SCN3B: variants seen among roughly 807,000 people sequenced by gnomAD.
SCN3B encodes the protein sodium channel regulatory subunit beta-3.
SCN3B carries 11 observed loss-of-function variants against 25.4 expected under a neutral mutation model. The ratio of observed to expected loss-of-function variants is 0.43; its 90% CI spans 0.27 to 0.72. The LOEUF (loss-of-function observed/expected upper bound fraction) is 0.72. SCN3B is among the 30% of genes least tolerant of loss of function. The pLI, the probability that SCN3B is intolerant of heterozygous loss-of-function variation, is 0.18. For missense variants in SCN3B, 218 were observed against 278.3 expected, an observed-to-expected ratio of 0.78 and a Z score of 1.54; for synonymous variants, 109 against 110.7, an observed-to-expected ratio of 0.99 and a Z score of 0.09.
chr11:123,645,743 G>A lies in SCN3B; in HGVS notation c.63C>T (p.Val21=), dbSNP rs1194257690. 1 of 1,614,122 alleles carries A rather than the reference G, an allele frequency of 6.2e-7. No individual in the cohort carries two copies. The highest frequency in any genetic ancestry group is 1.7e-5 in the Admixed American group (1 of 60,024). Residue 21 remains valine, a synonymous_variant, in exon 3 of 7, where the codon GTC becomes GTT. Transcript: ENST00000299333. The part of the protein sequence containing the change: ...ASLVLIYWVS[V]CFPVCVEVPS... ...GCACTTCCACACACACAGGGAAGCAGACACTGACTGCAGAGAGGACAGATG... is the reference window on the plus strand; with the variant it reads ...GCACTTCCACACACACAGGGAAGCAAACACTGACTGCAGAGAGGACAGATG...
In SCN3B at chr11:123,630,211, A is replaced by G. The variant is rs1308999267; in HGVS notation, c.*3588T>C. 6.5e-6 allele frequency: 1 copy of G among 152,674 alleles called. No homozygotes were observed. Among genetic ancestry groups the G allele is most frequent in the Non-Finnish European group, 1.5e-5 (1 of 68,074 alleles). 9.5% of individuals were successfully genotyped at this position (152,674 alleles called of 1,614,324 possible). A position where few individuals can be genotyped will look rare whatever the true frequency, so the allele number is the denominator to read the frequency against. ...ATGCCGTTAAACAAGTGGTGAGAAT[A>G]AAGGCTGGGGTAGGGACAGGCAGGG... is the stretch of plus-strand genomic sequence containing the variant. On this transcript the variant is annotated 3_prime_UTR_variant, in exon 7 of 7. Coordinates refer to ENST00000299333, the MANE Select transcript of SCN3B (RefSeq NM_001040151.2).
chr11:123,637,289 A>T lies in SCN3B; in HGVS notation c.584+897T>A, dbSNP rs75254384. Among the ~76,000 whole-genome samples the T allele has an allele frequency of 9.5e-3, 1,442 of 152,204 alleles. 20 individuals carry two copies. The highest frequency in any genetic ancestry group is 0.033 in the African/African-American group (1,380 of 41,532). ...GCTGCCAGGCTCTAGGGGAAATAAC[A>T]TGTTGCTTGGAGCTCCTTTGCTAGC... On this transcript the variant is annotated intron_variant, in intron 5 of 6. Coordinates refer to ENST00000299333, the MANE Select transcript of SCN3B (RefSeq NM_001040151.2).
chr11:123,646,185 C>T (rs1955852084), intron 2 of SCN3B, among the ~76,000 whole-genome samples: 1 of 152,218 alleles, frequency 6.6e-6, no homozygotes, highest in Admixed American at 6.5e-5. Flanking sequence ...GAATAAAACA[C>T]TAACCATGCC....
At chr11:123,640,078 G>A (rs998293132) in intron 4 of SCN3B, 1 of 152,198 alleles carries the variant, frequency 6.6e-6, no homozygotes. Flanking sequence ...ATAACTTTCA[G>A]CCCAGAGAGC....
intron 2 of SCN3B, among the ~76,000 whole-genome samples, chr11:123,652,878 AC>A (rs1450832807): frequency 6.6e-6 from 1 of 152,204 alleles, no homozygotes; most frequent in Non-Finnish European, 1.5e-5. Flanking sequence ...ATATTTACAT[AC>A]AGTAAAACAT....
Position 123,630,872 on chromosome 11 carries a change from A to T in SCN3B, c.*2927T>A, listed in dbSNP as rs72552165. Reference sequence around the variant, plus strand: ...ATGGAAGCTAAAAAATAAGAAAAGGAAGCAGCTATGGTCTAAGTGGAAAGA... The same window carrying T: ...ATGGAAGCTAAAAAATAAGAAAAGGTAGCAGCTATGGTCTAAGTGGAAAGA... On this transcript the variant is annotated 3_prime_UTR_variant, in exon 7 of 7. Transcript: ENST00000299333. The T allele has an allele frequency of 6.6e-6, 1 of 152,216 alleles. No homozygotes were observed. The highest frequency in any genetic ancestry group is 1.5e-5 in the Non-Finnish European group (1 of 68,046). The allele number at this position is 152,216 out of a possible 1,614,324, so 9.4% of individuals were successfully genotyped here. A position where few individuals can be genotyped will look rare whatever the true frequency, so the allele number is the denominator to read the frequency against.
chr11:123,653,064 A>G lies in SCN3B; in HGVS notation c.55+683T>C, dbSNP rs190312605. 4.6e-5 allele frequency among the ~76,000 whole-genome samples: 7 copies of G among 152,234 alleles called. No individual in the cohort carries two copies. The East Asian group carries it at 1.2e-3, about 25-fold the overall frequency. On this transcript the variant is annotated intron_variant, in intron 2 of 6. Coordinates refer to ENST00000299333, the MANE Select transcript of SCN3B (RefSeq NM_001040151.2). ...TCTCACAGCTGACAAGCAAGAATCTATTCACCTTTGAAGGCAAAAACCCAG... is the reference window on the plus strand; with the variant it reads ...TCTCACAGCTGACAAGCAAGAATCTGTTCACCTTTGAAGGCAAAAACCCAG...
Position 123,633,965 on chromosome 11 carries a change from C to G in SCN3B, c.*22+156G>C, listed in dbSNP as rs1148111. ...AAGCGCTGACATCATACAGAGCTTT[C>G]TGACTTAAAGAATTACCCTGAGGGC... On this transcript the variant is annotated intron_variant, in intron 6 of 6. Transcript: ENST00000299333. The G allele has an allele frequency of 0.62, 396,826 of 640,256 alleles. 127,909 individuals carry two copies. The highest frequency in any genetic ancestry group is 0.91 in the African/African-American group (50,552 of 55,838). The allele number at this position is 640,256 out of a possible 1,614,324, so 39.7% of individuals were successfully genotyped here.
chr11:123,629,823 TTTG>T lies in SCN3B; in HGVS notation c.*3973_*3975del, dbSNP rs1301132722. ...AGGTGAGAGGAAGGCTTCTTTTGTT[TTTG>T]TTTTTCATTTTTTTCTTTTTTCATT... On this transcript the variant is annotated 3_prime_UTR_variant, in exon 7 of 7. Transcript: ENST00000299333. 1.4e-5 allele frequency: 2 copies of T among 146,210 alleles called. No individual in the cohort carries two copies. Among genetic ancestry groups the T allele is most frequent in the Admixed American group, 6.7e-5 (1 of 15,022 alleles). 9.1% of individuals were successfully genotyped at this position (146,210 alleles called of 1,614,324 possible).
chr11:123,634,097 C>A, intron 6 of SCN3B, 24 bp downstream of exon 6: 1 of 1,569,882 alleles, frequency 6.4e-7, no homozygotes, highest in South Asian at 1.1e-5. Flanking sequence ...ATCTGCCTTC[C>A]CCTCCCATGT....
In SCN3B at chr11:123,633,785, G is replaced by T; in HGVS notation, c.*23-9C>A. On this transcript the variant is annotated splice_polypyrimidine_tract_variant and intron_variant, in intron 6 of 6. Coordinates refer to ENST00000299333, the MANE Select transcript of SCN3B (RefSeq NM_001040151.2). ...TCAGGTGTTCAGGCCACCTACCAAA[G>T]ATAAAATAACTCACTGAGAATTTCC... The T allele has an allele frequency of 2.9e-6, 1 of 343,888 alleles. No individual in the cohort carries two copies. Among genetic ancestry groups the T allele is most frequent in the South Asian group, 2.5e-5 (1 of 40,618 alleles). The allele number at this position is 343,888 out of a possible 1,614,324, so 21.3% of individuals were successfully genotyped here.
At chr11:123,646,915 G>A (rs575413607) in intron 2 of SCN3B, among the ~76,000 whole-genome samples, 4 of 152,224 alleles carry the variant, frequency 2.6e-5, no homozygotes, top group African/African-American at 7.2e-5. Flanking sequence ...CCAGAGGTGA[G>A]GGAGATGGTG....
At chr11:123,650,270 AACCAGCTTCTCTGAT>A (rs1955908968) in intron 2 of SCN3B, among the ~76,000 whole-genome samples, 1 of 152,216 alleles carries the variant, frequency 6.6e-6, no homozygotes, top group Non-Finnish European at 1.5e-5. Flanking sequence ...AAGAATTATG[AACCAGCTTCTCTGAT>A]ACCCTCAAAT....
chr11:123,638,940 C>T (rs1955757738), intron 4 of SCN3B: 1 of 163,306 alleles, frequency 6.1e-6, no homozygotes, highest in Non-Finnish European at 1.3e-5. Flanking sequence ...CCAGGTCATC[C>T]AAAACCAAAC....
chr11:123,641,059 G>A (rs1170920176), intron 4 of SCN3B: 1 of 152,316 alleles, frequency 6.6e-6, no homozygotes, highest in African/African-American at 2.4e-5. Context: ...AAGCCCGAGA[G>A]AGCAGAGGTG....
intron 2 of SCN3B, among the ~76,000 whole-genome samples, chr11:123,652,990 G>C (rs1291628643): frequency 1.3e-5 from 2 of 152,132 alleles, no homozygotes; most frequent in African/African-American, 2.4e-5. Flanking sequence ...AGCCTTTACT[G>C]TTCCAAGTGT....
intron 3 of SCN3B, among the ~76,000 whole-genome samples, chr11:123,643,970 G>A (rs1955819313): frequency 1.3e-5 from 2 of 152,222 alleles, no homozygotes; most frequent in Admixed American, 1.3e-4. Flanking sequence ...AGTTAGAAAT[G>A]GGTTCGGCTT....
In SCN3B at chr11:123,642,509, A is replaced by T; in HGVS notation, c.382T>A (p.Phe128Ile). The change falls in exon 4 of 7, where the codon TTT becomes ATT. Residue 128 changes from phenylalanine to isoleucine, a missense_variant. Phe to Ile is a conservative substitution (Grantham distance 21). Transcript: ENST00000299333. This position sits in a 1 kb window ranked among gnomAD's most constrained non-coding sequence, Gnocchi z 4.3. ...TTCACAAAGGGCCGATGCGCCTCAA[A>T]CTCAAACTCCCGGGACACATTGCAG... Reference protein sequence around the residue: ...YTCNVSREFEFEAHRPFVKTT... With the variant: ...YTCNVSREFEIEAHRPFVKTT... 1.2e-6 allele frequency: 2 copies of T among 1,613,984 alleles called. No homozygotes were observed. The highest frequency in any genetic ancestry group is 1.7e-6 in the Non-Finnish European group (2 of 1,179,986).
At chr11:123,654,122 C>A (rs964665924) in intron 1 of SCN3B, 104 bp downstream of exon 1, 2 of 483,602 alleles carry the variant, frequency 4.1e-6, no homozygotes, top group East Asian at 3.9e-5. Context: ...AGCTTCCACT[C>A]GCGCCCCTGC....
Sources: allele counts gnomAD v4.1 joint callset (sites outside exome capture counted in the v4.1 genomes callset), GRCh38; gene constraint gnomAD v4.1.1; non-coding constraint Gnocchi (gnomAD v3.1); transcripts MANE v1.5; gene names NCBI Gene and HGNC (gene_info 2026-07-23, HGNC 2026-07-21).